The following ASIC4 variants were observed in gnomAD, a reference collection of about 807,000 sequenced individuals.
The protein encoded by ASIC4 is acid sensing ion channel subunit family member 4.
Under a neutral mutation model 53.4 loss-of-function variants are expected in ASIC4, and 28 were observed. That is an observed-to-expected ratio of 0.52 (90% CI 0.39 to 0.72). The LOEUF is 0.72. ASIC4 is among the 30% of genes least tolerant of loss of function. The probability of loss-of-function intolerance (pLI) is 0.00; values close to 1 mark genes in which losing one functional copy is unlikely to be tolerated. For missense variants in ASIC4, 649 were observed against 729.7 expected, an observed-to-expected ratio of 0.89 and a Z score of 1.27; for synonymous variants, 289 against 301.4, an observed-to-expected ratio of 0.96 and a Z score of 0.43.
upstream of ASIC4, among the ~76,000 whole-genome samples, chr2:219,510,713 T>A (rs1385954572): frequency 6.6e-6 from 1 of 152,002 alleles, no homozygotes; most frequent in Non-Finnish European, 1.5e-5. This position sits in a 1 kb window ranked among gnomAD's most constrained non-coding sequence, Gnocchi z 5.2. Context: ...CGGGAGAAGG[T>A]GCTGGGCTGG....
chr2:219,532,789 T>TATGTGTGTGCATGC (rs1242651977), intron 4 of ASIC4, 94 bp from the exon 5 acceptor site: 3 of 1,177,686 alleles, frequency 2.5e-6, no homozygotes, highest in East Asian at 4.7e-5. Flanking sequence ...AATGTGTGCA[T>TATGTGTGTGCATGC]ATGTGTGTGC....
chr2:219,522,764 G>A (rs1694907769), intron 1 of ASIC4, among the ~76,000 whole-genome samples: 1 of 152,108 alleles, frequency 6.6e-6, no homozygotes, highest in Non-Finnish European at 1.5e-5. Flanking sequence ...GGGCGGCGGT[G>A]TTTCCCTCCG....
chr2:219,533,115 G>C (rs577413058), intron 5 of ASIC4, 176 bp downstream of exon 5: 1 of 687,610 alleles, frequency 1.5e-6, no homozygotes, highest in South Asian at 1.6e-5. Context: ...GACCTCTGCA[G>C]GTACAGACAC....
upstream of ASIC4, among the ~76,000 whole-genome samples, chr2:219,513,787 A>G (rs1272816071): frequency 6.6e-6 from 1 of 152,256 alleles, no homozygotes; most frequent in Admixed American, 6.5e-5. Context: ...GGTTGGGGGC[A>G]AAATGAGGGT....
At chr2:219,513,989 C>G (rs944530590), upstream of ASIC4, among the ~76,000 whole-genome samples, 1 of 152,124 alleles carries the variant, frequency 6.6e-6, no homozygotes, top group Non-Finnish European at 1.5e-5. Context: ...TGCTGTGAGT[C>G]GGGTAGTGGG....
rs553797111 is a variant in ASIC4, at chr2:219,518,656, C to G, written c.582+3350C>G. ...CTGCCGCCATCTGCTACCCACACCC[C>G]CTTCCTCCAAGCCCCAGTTCTACCT... On this transcript the variant is annotated intron_variant, in intron 1 of 9. Coordinates refer to ENST00000358078, the MANE Select transcript of ASIC4 (RefSeq NM_018674.6). The surrounding 1 kb of genome is among the most constrained non-coding windows in gnomAD (Gnocchi z 4.8). Among the ~76,000 whole-genome samples the G allele has an allele frequency of 6.6e-5, 10 of 152,118 alleles. No homozygotes were observed. Among genetic ancestry groups the G allele is most frequent in the East Asian group, 3.9e-4 (2 of 5,192 alleles).
Position 219,515,089 on chromosome 2 carries a change from G to A in ASIC4, c.365G>A (p.Arg122His), listed in dbSNP as rs1313335183. ...GCTGTCACCCTCTGCAATATCAACC[G>A]CTTCCGGCATTCGGCACTCAGCGAT... The part of the protein sequence containing the change: ...FPAVTLCNIN[R>H]FRHSALSDAD... Residue 122 changes from arginine to histidine, a missense_variant, in exon 1 of 10, where the codon CGC becomes CAC. Transcript: ENST00000358078. 1 of 1,614,010 alleles carries A rather than the reference G, an allele frequency of 6.2e-7. No individual in the cohort carries two copies. Among genetic ancestry groups the A allele is most frequent in the Non-Finnish European group, 8.5e-7 (1 of 1,180,022 alleles).
At position 219,537,948 on chromosome 2, in the gene ASIC4, C is replaced by T. The variant is rs201600847; in HGVS notation, c.1522C>T (p.Arg508Trp). 5.6e-6 allele frequency: 9 copies of T among 1,609,748 alleles called. No homozygotes were observed. Among genetic ancestry groups the T allele is most frequent in the South Asian group, 1.1e-5 (1 of 90,206 alleles). The change falls in exon 10 of 10, where the codon CGG becomes TGG. Residue 508 changes from arginine to tryptophan, a missense_variant. Arg to Trp is a moderately radical substitution (Grantham distance 101). Coordinates refer to ENST00000358078, the MANE Select transcript of ASIC4 (RefSeq NM_018674.6). This position sits in a 1 kb window ranked among gnomAD's most constrained non-coding sequence, Gnocchi z 4.9. Reference protein sequence around the residue: ...ELKEQSPCPSRGRVEGGGVSS... With the variant: ...ELKEQSPCPSWGRVEGGGVSS... ...TCTCCTGCAGAGTCCCTGCCCGAGC[C>T]GGGGCCGAGTGGAGGGTGGGGGGGT...
At chr2:219,531,296 G>T (rs1695036641) in intron 1 of ASIC4, among the ~76,000 whole-genome samples, 1 of 152,138 alleles carries the variant, frequency 6.6e-6, no homozygotes, top group Admixed American at 6.5e-5. Flanking sequence ...AGTCTGGAAG[G>T]TTGAGGCTGC....
In ASIC4 at chr2:219,532,416, GC is replaced by G. The variant is rs1559119308; in HGVS notation, c.958del (p.Leu320CysfsTer58). The G allele has an allele frequency of 6.2e-7, 1 of 1,614,012 alleles. No individual in the cohort carries two copies. The highest frequency in any genetic ancestry group is 2.2e-5 in the East Asian group (1 of 44,866). ...CGGCCTACAGTGTGTCTGCCTGCCG[GC>G]TGCGCTGTGAAAAGGAGGCCGTGCT... is the stretch of plus-strand genomic sequence containing the variant. ...YSAYSVSACR[L>X]RCEKEAVLQR... On this transcript the variant is annotated frameshift_variant, in exon 4 of 10. Transcript: ENST00000358078. LOFTEE classifies it high-confidence loss of function.
At chr2:219,528,344 C>A (rs1251970426) in intron 1 of ASIC4, among the ~76,000 whole-genome samples, 1 of 151,822 alleles carries the variant, frequency 6.6e-6, no homozygotes, top group African/African-American at 2.4e-5. Flanking sequence ...CTATCTCAGC[C>A]CCCTGAGTAG....
At position 219,537,397 on chromosome 2, in the gene ASIC4, T is replaced by C; in HGVS notation, c.1401+76T>C. On this transcript the variant is annotated intron_variant, in intron 8 of 9. Coordinates refer to ENST00000358078, the MANE Select transcript of ASIC4 (RefSeq NM_018674.6). This position sits in a 1 kb window ranked among gnomAD's most constrained non-coding sequence, Gnocchi z 4.9. Reference sequence around the variant, plus strand: ...GAAGGGGGCAGTGCGGGGTGCCTGGTGGAGCTGGCCTGGCTGGAAAGTCAG... The same window carrying C: ...GAAGGGGGCAGTGCGGGGTGCCTGGCGGAGCTGGCCTGGCTGGAAAGTCAG... The C allele has an allele frequency of 6.7e-7, 1 of 1,493,140 alleles. No individual in the cohort carries two copies. The highest frequency in any genetic ancestry group is 9.1e-7 in the Non-Finnish European group (1 of 1,094,176). The allele number at this position is 1,493,140 out of a possible 1,614,324, so 92.5% of individuals were successfully genotyped here.
rs570153191 is a variant in ASIC4, at chr2:219,518,667, G to A, written c.582+3361G>A. Among the ~76,000 whole-genome samples, 4 of 151,300 alleles carry A rather than the reference G, an allele frequency of 2.6e-5. No homozygotes were observed. The highest frequency in any genetic ancestry group is 5.9e-5 in the Non-Finnish European group (4 of 67,884). ...TGCTACCCACACCCCCTTCCTCCAAGCCCCAGTTCTACCTTCCCCACTGCG... is the reference window on the plus strand; with the variant it reads ...TGCTACCCACACCCCCTTCCTCCAAACCCCAGTTCTACCTTCCCCACTGCG... On this transcript the variant is annotated intron_variant, in intron 1 of 9. Transcript: ENST00000358078. This position sits in a 1 kb window ranked among gnomAD's most constrained non-coding sequence, Gnocchi z 4.8.
At position 219,535,322 on chromosome 2, in the gene ASIC4, A is replaced by G. The variant is rs111281614; in HGVS notation, c.1227A>G (p.Ile409Met). 2 of 1,580,412 alleles carry G rather than the reference A, an allele frequency of 1.3e-6. No homozygotes were observed. Among genetic ancestry groups the G allele is most frequent in the Non-Finnish European group, 1.7e-6 (2 of 1,162,864 alleles). The change falls in exon 6 of 10, where the codon ATA becomes ATG. Residue 409 changes from isoleucine to methionine, a missense_variant and splice_region_variant. Physicochemically the swap from Ile to Met is conservative, Grantham distance 10. Coordinates refer to ENST00000358078, the MANE Select transcript of ASIC4 (RefSeq NM_018674.6). The stretch of plus-strand genomic sequence containing the variant: ...AGTACAACCGCAACGAGACCTACAT[A>G]CGGTATGTGTGTGTGTGTGTGGGGG... ...ARKYNRNETY[I>M]RENFLVLDVF...
chr2:219,508,817 C>T, the ASIC4 span, among the ~76,000 whole-genome samples: 3 of 15,260 alleles, frequency 2.0e-4, no homozygotes, highest in Admixed American at 8.8e-4. Context: ...GGGGGATGAG[C>T]GGGGGAGGGA....
chr2:219,535,463 ATG>A (rs1171353194), intron 6 of ASIC4, 139 bp downstream of exon 6: 5 of 986,446 alleles, frequency 5.1e-6, no homozygotes, highest in Non-Finnish European at 7.1e-6. Context: ...GTGGGTGTGT[ATG>A]TGTGTGGGGT....
intron 5 of ASIC4, 108 bp from the exon 6 acceptor site, chr2:219,535,063 G>A (rs1695105545): frequency 2.0e-6 from 3 of 1,468,180 alleles, no homozygotes; most frequent in South Asian, 1.3e-5. Flanking sequence ...GGCCCTCAGT[G>A]TGGGTGTGCC....
At chr2:219,507,326 G>A in the ASIC4 span, among the ~76,000 whole-genome samples, 1 of 152,236 alleles carries the variant, frequency 6.6e-6, no homozygotes, top group Non-Finnish European at 1.5e-5. Context: ...AGAGGAACTG[G>A]GGCCACAGGC....
At chr2:219,515,764 GA>G (rs1174957176) in intron 1 of ASIC4, among the ~76,000 whole-genome samples, 1 of 152,180 alleles carries the variant, frequency 6.6e-6, no homozygotes, top group East Asian at 1.9e-4. Flanking sequence ...TCCATCTAGG[GA>G]AGGACCCCGG....
Sources: gnomAD v4.1 joint callset for allele counts (sites outside exome capture counted in the v4.1 genomes callset) on GRCh38, gnomAD v4.1.1 for gene constraint, Gnocchi (gnomAD v3.1) non-coding constraint, MANE v1.5 for transcripts, NCBI Gene and HGNC (gene_info 2026-07-23, HGNC 2026-07-21) for gene names.